Variants in MID1 observed in about 807,000 individuals in gnomAD.
The protein encoded by MID1 is E3 ubiquitin-protein ligase Midline-1.
MID1 carries 7 observed loss-of-function variants against 40.4 expected under a neutral mutation model. The observed-to-expected ratio is 0.17, with a 90% CI of 0.10 to 0.33. MID1 has a LOEUF of 0.33. Among genes scored for constraint, MID1 ranks in the 10% least tolerant of loss-of-function variants. The probability of loss-of-function intolerance (pLI) is 1.00; values close to 1 mark genes in which losing one functional copy is unlikely to be tolerated. For missense variants in MID1, 367 were observed against 558.5 expected, an observed-to-expected ratio of 0.66 and a Z score of 3.46; for synonymous variants, 229 against 221.2, an observed-to-expected ratio of 1.04 and a Z score of -0.31.
chrX:10,831,900 C>T (rs769179744), intron 1 of MID1, among the ~76,000 whole-genome samples: 4 of 112,352 alleles, frequency 3.6e-5, no homozygotes, highest in South Asian at 7.4e-4. Context: ...AAACGGCAGA[C>T]GTGCTGGCTG....
intron 2 of MID1, among the ~76,000 whole-genome samples, chrX:10,566,188 G>A (rs931438303): frequency 9.0e-6 from 1 of 111,402 alleles, no homozygotes; most frequent in Non-Finnish European, 1.9e-5. Flanking sequence ...ATAATTTCAT[G>A]TAAAAAATGA....
intron 3 of MID1, chrX:10,501,600 T>G (rs888979985): frequency 1.9e-6 from 2 of 1,071,867 alleles, no homozygotes; most frequent in Non-Finnish European, 2.5e-6. Context: ...ATGATGTGAA[T>G]GTAGAAGCAC....
chrX:10,784,007 TA>T (rs1374441389), intron 1 of MID1, among the ~76,000 whole-genome samples: 2 of 111,687 alleles, frequency 1.8e-5, no homozygotes, highest in Admixed American at 9.5e-5. Flanking sequence ...TTGCTACAAA[TA>T]AAAAATATTT....
chrX:10,788,320 G>C (rs189499424), intron 1 of MID1, among the ~76,000 whole-genome samples: 2 of 111,863 alleles, frequency 1.8e-5, no homozygotes, highest in Non-Finnish European at 3.8e-5. Context: ...TCACCAGTGA[G>C]AGAATGACTT....
intron 1 of MID1, among the ~76,000 whole-genome samples, chrX:10,823,819 C>A (rs182461851): frequency 1.4e-3 from 158 of 111,339 alleles, no homozygotes; most frequent in African/African-American, 5.0e-3. Flanking sequence ...TTGGAAGCGA[C>A]AATACAGATT....
At chrX:10,454,423 G>A (rs761081422) in intron 9 of MID1, among the ~76,000 whole-genome samples, 23 of 111,974 alleles carry the variant, frequency 2.1e-4, no homozygotes, top group Admixed American at 5.7e-4. Context: ...TAGACCATAT[G>A]ATTCTCTCTT....
chrX:10,574,060 C>T (rs1401223951), intron 1 of MID1, among the ~76,000 whole-genome samples: 1 of 111,470 alleles, frequency 9.0e-6, no homozygotes, highest in Non-Finnish European at 1.9e-5. Flanking sequence ...CCACAGCCTC[C>T]TCCTCAGAGC....
At chrX:10,702,109 G>T (rs1769179477) in intron 1 of MID1, among the ~76,000 whole-genome samples, 1 of 112,857 alleles carries the variant, frequency 8.9e-6, no homozygotes, top group South Asian at 3.6e-4. Flanking sequence ...TAAGGAAAAA[G>T]TGTCTAATTC....
At chrX:10,550,786 T>C (rs1602389438) in intron 2 of MID1, among the ~76,000 whole-genome samples, 1 of 111,476 alleles carries the variant, frequency 9.0e-6, no homozygotes, top group African/African-American at 3.3e-5. Flanking sequence ...GCAGCATCCG[T>C]GGCCTTGACC....
Position 10,449,367 on chromosome X carries a change from C to T in MID1, c.*1G>A. ...GAAAGCAGCTCCATGTGGCCAGACGCTCACGGCAGCTGCTCTGTGCAGTCC... is the reference window on the plus strand; with the variant it reads ...GAAAGCAGCTCCATGTGGCCAGACGTTCACGGCAGCTGCTCTGTGCAGTCC... On this transcript the variant is annotated 3_prime_UTR_variant, in exon 10 of 10. Coordinates refer to ENST00000317552, the MANE Select transcript of MID1 (RefSeq NM_000381.4). The T allele has an allele frequency of 8.3e-7, 1 of 1,206,754 alleles. No individual in the cohort carries two copies. The highest frequency in any genetic ancestry group is 1.1e-6 in the Non-Finnish European group (1 of 891,736).
intron 1 of MID1, among the ~76,000 whole-genome samples, chrX:10,730,951 A>ATT (rs1202645845): frequency 4.5e-5 from 5 of 111,820 alleles, no homozygotes; most frequent in Non-Finnish European, 9.4e-5. Context: ...CAGAATAACA[A>ATT]TTTATAATTA....
At chrX:10,671,032 C>A (rs191288651) in intron 1 of MID1, among the ~76,000 whole-genome samples, 107 of 111,840 alleles carry the variant, frequency 9.6e-4, no homozygotes, top group African/African-American at 3.3e-3. Context: ...GATGTCCAGG[C>A]TTCCAGGCTA....
chrX:10,640,625 G>C (rs1208259926), intron 1 of MID1, among the ~76,000 whole-genome samples: 1 of 111,082 alleles, frequency 9.0e-6, no homozygotes, highest in Non-Finnish European at 1.9e-5. Flanking sequence ...AAGTTAACAA[G>C]GATATCCAGG....
chrX:10,554,142 A>C (rs1454213031), intron 2 of MID1, among the ~76,000 whole-genome samples: 1 of 111,970 alleles, frequency 8.9e-6, no homozygotes, highest in Non-Finnish European at 1.9e-5. Flanking sequence ...TAGGCTAGAC[A>C]CTTGGACCTA....
At chrX:10,532,213 G>A (rs1421610704) in intron 2 of MID1, among the ~76,000 whole-genome samples, 1 of 112,172 alleles carries the variant, frequency 8.9e-6, no homozygotes, top group South Asian at 3.8e-4. Flanking sequence ...GCCACAGGCA[G>A]GGCACTGTGG....
chrX:10,768,171 T>C (rs1394014793), intron 1 of MID1, among the ~76,000 whole-genome samples: 2 of 111,390 alleles, frequency 1.8e-5, no homozygotes, highest in Non-Finnish European at 3.8e-5. Context: ...AAGATACTGG[T>C]ATTATTAATA....
chrX:10,685,185 A>G (rs2043086786), intron 1 of MID1, among the ~76,000 whole-genome samples: 1 of 111,959 alleles, frequency 8.9e-6, no homozygotes, highest in Non-Finnish European at 1.9e-5. Flanking sequence ...AATGGCCATA[A>G]TAGTTCATTA....
intron 1 of MID1, among the ~76,000 whole-genome samples, chrX:10,607,887 T>C (rs529695044): frequency 8.9e-6 from 1 of 112,522 alleles, no homozygotes; most frequent in African/African-American, 3.2e-5. Context: ...AATATTTCAG[T>C]TAAGGTTCAA....
At chrX:10,782,984 A>C (rs2147133665) in intron 1 of MID1, among the ~76,000 whole-genome samples, 1 of 111,950 alleles carries the variant, frequency 8.9e-6, no homozygotes, top group Admixed American at 9.5e-5. Flanking sequence ...TGCATGCTAA[A>C]GTTTGAGATA....
Sources: gnomAD v4.1 joint callset for allele counts (sites outside exome capture counted in the v4.1 genomes callset) on GRCh38, gnomAD v4.1.1 for gene constraint, MANE v1.5 for transcripts, NCBI Gene and HGNC (gene_info 2026-07-23, HGNC 2026-07-21) for gene names.